The following SLC71A2 variants were observed in gnomAD, a reference collection of about 807,000 sequenced individuals.
The protein encoded by SLC71A2 is solute carrier family 71 member 2.
At chr9:94,441,125 T>C in the SLC71A2 span, 1 of 1,293,488 alleles carries the variant, frequency 7.7e-7, no homozygotes, top group Admixed American at 2.1e-5. Context: ...ATATATATTT[T>C]TTAACCAGAA....
the SLC71A2 span, among the ~76,000 whole-genome samples, chr9:94,392,012 C>T: frequency 6.6e-6 from 1 of 152,178 alleles, no homozygotes; most frequent in Non-Finnish European, 1.5e-5. Context: ...ACCATTGCGC[C>T]TTCCCCCCAC....
the SLC71A2 span, among the ~76,000 whole-genome samples, chr9:94,425,503 A>G: frequency 6.6e-6 from 1 of 152,194 alleles, no homozygotes; most frequent in Non-Finnish European, 1.5e-5. Context: ...GGATGAAATC[A>G]TGGGGCGTTG....
chr9:94,425,210 A>G, the SLC71A2 span, among the ~76,000 whole-genome samples: 1 of 152,068 alleles, frequency 6.6e-6, no homozygotes, highest in Non-Finnish European at 1.5e-5. Flanking sequence ...AGGTTGAGGC[A>G]GGAGAATCGC....
At chr9:94,430,672 A>C in the SLC71A2 span, among the ~76,000 whole-genome samples, 1 of 152,150 alleles carries the variant, frequency 6.6e-6, no homozygotes, top group Non-Finnish European at 1.5e-5. Flanking sequence ...CATTTGATGA[A>C]TCCAGTTTTT....
At chr9:94,461,041 A>C in the SLC71A2 span, 1 of 152,290 alleles carries the variant, frequency 6.6e-6, no homozygotes, top group South Asian at 2.1e-4. Flanking sequence ...TTTTCAAAAA[A>C]ATTTTATTTT....
chr9:94,451,651 C>T, the SLC71A2 span: 1 of 495,316 alleles, frequency 2.0e-6, no homozygotes, highest in South Asian at 4.3e-5. Context: ...GTCCCTCACC[C>T]CCTGCTATGG....
At chr9:94,441,026 T>G in the SLC71A2 span, 1 of 1,611,868 alleles carries the variant, frequency 6.2e-7, no homozygotes, top group Non-Finnish European at 8.5e-7. Flanking sequence ...GTCTTCTCGG[T>G]CACGTTTTCT....
At chr9:94,379,802 T>C in the SLC71A2 span, among the ~76,000 whole-genome samples, 1 of 152,234 alleles carries the variant, frequency 6.6e-6, no homozygotes, top group East Asian at 1.9e-4. Flanking sequence ...TTATATCTTA[T>C]TTTGATGTTA....
the SLC71A2 span, chr9:94,454,108 A>G: frequency 1.4e-6 from 2 of 1,421,818 alleles, no homozygotes; most frequent in Non-Finnish European, 2.0e-6. Flanking sequence ...ACTGCCAGAC[A>G]GATGCCTCTT....
chr9:94,415,763 G>T, the SLC71A2 span, among the ~76,000 whole-genome samples: 1 of 152,072 alleles, frequency 6.6e-6, no homozygotes, highest in Non-Finnish European at 1.5e-5. Context: ...TGCCGCTGCT[G>T]ATCTGACAGG....
At chr9:94,379,536 C>A in the SLC71A2 span, among the ~76,000 whole-genome samples, 11 of 149,720 alleles carry the variant, frequency 7.3e-5, no homozygotes, top group African/African-American at 2.7e-4. Context: ...ACTATAGGCA[C>A]GTGGCACTAT....
At chr9:94,385,998 G>T in the SLC71A2 span, among the ~76,000 whole-genome samples, 1 of 151,940 alleles carries the variant, frequency 6.6e-6, no homozygotes, top group Non-Finnish European at 1.5e-5. Flanking sequence ...TTCCATTTCT[G>T]CAAGAAAGTC....
the SLC71A2 span, among the ~76,000 whole-genome samples, chr9:94,430,523 T>C: frequency 6.6e-6 from 1 of 152,200 alleles, no homozygotes; most frequent in African/African-American, 2.4e-5. Context: ...GCGCCTGGCC[T>C]GTATTCTGTT....
the SLC71A2 span, chr9:94,451,625 C>T: frequency 1.7e-6 from 1 of 593,546 alleles, no homozygotes; most frequent in African/African-American, 1.9e-5. Flanking sequence ...AAGATATTCC[C>T]TGAGCTGCTA....
chr9:94,446,841 A>G, the SLC71A2 span: 1 of 1,604,298 alleles, frequency 6.2e-7, no homozygotes, highest in Non-Finnish European at 8.5e-7. Context: ...GAAAGTTGGA[A>G]AAGATTCTAC....
chr9:94,455,272 G>A, the SLC71A2 span, among the ~76,000 whole-genome samples: 4 of 143,846 alleles, frequency 2.8e-5, no homozygotes, highest in African/African-American at 5.2e-5. Context: ...AGCCTCAAGC[G>A]ATCCTCCCAT....
At chr9:94,452,885 C>T in the SLC71A2 span, among the ~76,000 whole-genome samples, 30 of 151,800 alleles carry the variant, frequency 2.0e-4, no homozygotes, top group African/African-American at 7.2e-4. Flanking sequence ...AAGGCACACT[C>T]ACTATATTTT....
the SLC71A2 span, among the ~76,000 whole-genome samples, chr9:94,439,742 T>C: frequency 6.6e-6 from 1 of 152,012 alleles, no homozygotes; most frequent in Non-Finnish European, 1.5e-5. Flanking sequence ...TTTAATGTCC[T>C]TTTTTTGGCT....
At chr9:94,428,590 ACCC>A in the SLC71A2 span, among the ~76,000 whole-genome samples, 2 of 116,062 alleles carry the variant, frequency 1.7e-5, no homozygotes, top group South Asian at 6.0e-4. Flanking sequence ...ACATATGCAT[ACCC>A]CCCCCCCTTT....
Sources: gnomAD v4.1 joint callset for allele counts (sites outside exome capture counted in the v4.1 genomes callset) on GRCh38, gnomAD v4.1.1 for gene constraint, MANE v1.5 for transcripts, NCBI Gene and HGNC (gene_info 2026-07-23, HGNC 2026-07-21) for gene names.